SLC25A26: variants seen among roughly 807,000 people sequenced by gnomAD.
The protein encoded by SLC25A26 is mitochondrial S-adenosylmethionine carrier protein.
SLC25A26 carries 36 observed loss-of-function variants against 37.8 expected under a neutral mutation model. That is an observed-to-expected ratio of 0.95 (90% confidence interval 0.73 to 1.26). The LOEUF is 1.26. SLC25A26 is among the 50% of genes most tolerant of loss of function. The probability of loss-of-function intolerance (pLI) is 0.00; values close to 1 mark genes in which losing one functional copy is unlikely to be tolerated. For synonymous variants in SLC25A26, 129 were observed against 122.5 expected, an observed-to-expected ratio of 1.05 and a Z score of -0.35; for missense variants, 390 against 331.1, an observed-to-expected ratio of 1.18 and a Z score of -1.38.
intron 5 of SLC25A26, among the ~76,000 whole-genome samples, chr3:66,268,320 T>C (rs2073834514): frequency 6.6e-6 from 1 of 152,222 alleles, no homozygotes; most frequent in Admixed American, 6.5e-5. Flanking sequence ...TTTTGGTAGA[T>C]AATGCCAAAT....
intron 1 of SLC25A26, among the ~76,000 whole-genome samples, chr3:66,182,685 C>A (rs1162693688): frequency 7.9e-6 from 1 of 126,794 alleles, no homozygotes; most frequent in East Asian, 2.3e-4. Flanking sequence ...ATTGGCTGAG[C>A]CCAGCATCGG....
chr3:66,254,772 T>A lies in SLC25A26; in HGVS notation c.301-7279T>A, dbSNP rs2073235501. On this transcript the variant is annotated intron_variant, in intron 3 of 9. Coordinates refer to ENST00000354883, the MANE Select transcript of SLC25A26 (RefSeq NM_001379210.1). The stretch of plus-strand genomic sequence containing the variant: ...TTTATATATAAAATGGTGACATAAT[T>A]AGCTTCTAATATCAGAGGAATATTT... Among the ~76,000 whole-genome samples, 4 of 152,362 alleles carry A rather than the reference T, an allele frequency of 2.6e-5. No homozygotes were observed. The South Asian group carries it at 8.3e-4, about 32-fold the overall frequency.
At chr3:66,327,944 G>A (rs556304546) in intron 5 of SLC25A26, among the ~76,000 whole-genome samples, 4 of 151,726 alleles carry the variant, frequency 2.6e-5, no homozygotes, top group South Asian at 2.1e-4. Flanking sequence ...AAGGAGTGGC[G>A]GAATTGGAAA....
intron 3 of SLC25A26, among the ~76,000 whole-genome samples, chr3:66,244,863 G>A (rs2072755538): frequency 6.6e-6 from 1 of 151,928 alleles, no homozygotes; most frequent in Non-Finnish European, 1.5e-5. Context: ...TGTAGTCCCA[G>A]CTACTTGGGA....
chr3:66,324,331 T>C (rs2075780060), intron 5 of SLC25A26, among the ~76,000 whole-genome samples: 1 of 152,028 alleles, frequency 6.6e-6, no homozygotes, highest in Non-Finnish European at 1.5e-5. Context: ...CTTCTGTTCC[T>C]GAGTGGGATT....
At chr3:66,357,516 A>T (rs531957035) in intron 6 of SLC25A26, among the ~76,000 whole-genome samples, 17 of 152,186 alleles carry the variant, frequency 1.1e-4, no homozygotes, top group Non-Finnish European at 2.1e-4. Flanking sequence ...TAAATTCCTT[A>T]TTGTTATTTT....
chr3:66,193,240 T>C (rs1334397021), intron 1 of SLC25A26, among the ~76,000 whole-genome samples: 1 of 152,164 alleles, frequency 6.6e-6, no homozygotes, highest in Non-Finnish European at 1.5e-5. Flanking sequence ...AAAGGGAATA[T>C]ATCCTTTACT....
intron 5 of SLC25A26, among the ~76,000 whole-genome samples, chr3:66,323,533 A>G (rs1330898037): frequency 6.6e-6 from 1 of 152,146 alleles, no homozygotes; most frequent in African/African-American, 2.4e-5. Flanking sequence ...GGGATTTTTT[A>G]AAGATAGTTT....
At chr3:66,171,221 G>A (rs1036728620) in intron 1 of SLC25A26, among the ~76,000 whole-genome samples, 5 of 152,202 alleles carry the variant, frequency 3.3e-5, no homozygotes, top group Non-Finnish European at 5.9e-5. Flanking sequence ...GGACCAGAAT[G>A]TAGCATGGGT....
chr3:66,213,762 A>C (rs2071320008), intron 1 of SLC25A26, among the ~76,000 whole-genome samples: 1 of 151,944 alleles, frequency 6.6e-6, no homozygotes. Context: ...ACTGCCAAAA[A>C]ATTCTCTGTG....
chr3:66,347,917 C>G (rs28416516), intron 6 of SLC25A26, among the ~76,000 whole-genome samples: 6,692 of 152,182 alleles, frequency 0.044, 502 homozygotes, highest in African/African-American at 0.15. Flanking sequence ...TAAGTGGGAG[C>G]TGAGCAAGGA....
intron 1 of SLC25A26, among the ~76,000 whole-genome samples, chr3:66,150,847 T>C (rs1328492766): frequency 6.6e-6 from 1 of 151,662 alleles, no homozygotes. Context: ...GGATATTTGA[T>C]AGACCCTCTG....
upstream of SLC25A26, among the ~76,000 whole-genome samples, chr3:66,218,914 T>A (rs1393458448): frequency 1.3e-5 from 2 of 152,240 alleles, no homozygotes; most frequent in African/African-American, 4.8e-5. Context: ...TTGACTGTAG[T>A]GTCATGAAAA....
At chr3:66,271,617 G>A (rs1349710265) in intron 5 of SLC25A26, among the ~76,000 whole-genome samples, 2 of 152,078 alleles carry the variant, frequency 1.3e-5, no homozygotes, top group Non-Finnish European at 2.9e-5. Flanking sequence ...TTTCACTGTA[G>A]TAGATGAAGT....
intron 1 of SLC25A26, among the ~76,000 whole-genome samples, chr3:66,182,201 G>C (rs1007814942): frequency 6.6e-6 from 1 of 152,202 alleles, no homozygotes; most frequent in African/African-American, 2.4e-5. Context: ...GGTGAGAAGA[G>C]ACCTGAAAAT....
intron 1 of SLC25A26, among the ~76,000 whole-genome samples, chr3:66,150,557 A>G (rs1242198295): frequency 1.6e-5 from 2 of 123,076 alleles, no homozygotes; most frequent in Non-Finnish European, 3.3e-5. Context: ...AATATATATA[A>G]TGATATATAT....
intron 5 of SLC25A26, among the ~76,000 whole-genome samples, chr3:66,268,629 A>G (rs947903228): frequency 7.2e-5 from 11 of 152,218 alleles, no homozygotes; most frequent in African/African-American, 2.4e-4. Context: ...AATGTTAACT[A>G]GGATGATTGG....
chr3:66,363,328 C>T (rs776918115), intron 7 of SLC25A26, among the ~76,000 whole-genome samples: 9 of 152,162 alleles, frequency 5.9e-5, no homozygotes, highest in Admixed American at 2.6e-4. Context: ...CCATGATTCA[C>T]GGTTTGTGTG....
intron 2 of SLC25A26, among the ~76,000 whole-genome samples, chr3:66,239,709 T>G (rs1267264321): frequency 6.6e-6 from 1 of 152,058 alleles, no homozygotes; most frequent in Admixed American, 6.6e-5. Flanking sequence ...TTTACCCACA[T>G]GAAAGCTGCA....
Sources: allele counts gnomAD v4.1 joint callset (sites outside exome capture counted in the v4.1 genomes callset), GRCh38; gene constraint gnomAD v4.1.1; transcripts MANE v1.5; gene names NCBI Gene and HGNC (gene_info 2026-07-23, HGNC 2026-07-21).